Variants in PPFIA1 observed in about 807,000 individuals in gnomAD.
The protein encoded by PPFIA1 is PPFI scaffold protein A1.
Under a neutral mutation model 149.9 loss-of-function variants are expected in PPFIA1, and 25 were observed. The ratio of observed to expected loss-of-function variants is 0.17; its 90% CI spans 0.12 to 0.23. The LOEUF is 0.23. PPFIA1 is among the 10% of genes least tolerant of loss of function. PPFIA1 has a pLI of 1.00. For synonymous variants in PPFIA1, 549 were observed against 552.8 expected (o/e 0.99, Z 0.10); for missense variants, 1,362 against 1,506.5 (o/e 0.90, Z 1.59).
At position 70,292,685 on chromosome 11, in the gene PPFIA1, G is replaced by A. The variant is rs1409716073; in HGVS notation, c.264+20249G>A. Among the ~76,000 whole-genome samples, 3 of 152,140 alleles carry A rather than the reference G, an allele frequency of 2.0e-5. No homozygotes were observed. The East Asian group carries it at 5.8e-4, about 29-fold the overall frequency. On this transcript the variant is annotated intron_variant, in intron 2 of 27. Coordinates refer to ENST00000253925, the MANE Select transcript of PPFIA1 (RefSeq NM_003626.5). ...TTTATAGGAATGAGCCCCCACTGAA[G>A]CCTCGTGACAGTGCTATAAAGCAGG...
At chr11:70,379,774 G>A (rs567732468) in intron 26 of PPFIA1, among the ~76,000 whole-genome samples, 28 of 152,254 alleles carry the variant, frequency 1.8e-4, no homozygotes, top group African/African-American at 5.3e-4. Context: ...TAAGCTGGAC[G>A]CTTTGGGTGA....
intron 7 of PPFIA1, among the ~76,000 whole-genome samples, chr11:70,329,425 A>G (rs2054524486): frequency 6.6e-6 from 1 of 152,122 alleles, no homozygotes; most frequent in South Asian, 2.1e-4. Flanking sequence ...ATCTTCATCA[A>G]TTTAATTTTG....
rs534627441 is a variant in PPFIA1, at chr11:70,324,561, C to T, written c.366+58C>T. ...CTGGAGCCACTGTCAGGAGGAGGGGCGGTGTGTCAAAACGAAAGGACGACC... is the reference window on the plus strand; with the variant it reads ...CTGGAGCCACTGTCAGGAGGAGGGGTGGTGTGTCAAAACGAAAGGACGACC... On this transcript the variant is annotated intron_variant, in intron 3 of 27. Coordinates refer to ENST00000253925, the MANE Select transcript of PPFIA1 (RefSeq NM_003626.5). 19 of 1,410,326 alleles carry T rather than the reference C, an allele frequency of 1.3e-5. No homozygotes were observed. In the African/African-American group the frequency reaches 1.7e-4, roughly 13 times the overall value. The allele number at this position is 1,410,326 out of a possible 1,614,324, so 87.4% of individuals were successfully genotyped here.
chr11:70,368,110 C>T (rs2057046385), intron 21 of PPFIA1, among the ~76,000 whole-genome samples: 1 of 152,108 alleles, frequency 6.6e-6, no homozygotes, highest in African/African-American at 2.4e-5. Context: ...TACACTCCAG[C>T]CTGGGTGACA....
In PPFIA1 at chr11:70,365,426, G is replaced by A. The variant is rs914459120; in HGVS notation, c.2865+2938G>A. On this transcript the variant is annotated intron_variant, in intron 21 of 27. Coordinates refer to ENST00000253925, the MANE Select transcript of PPFIA1 (RefSeq NM_003626.5). ...AAGAGATGGAAACGCTCGCAGCCAC[G>A]CCGCAAACGGTTAGTCACGCCCCAC... 8 of 456,470 alleles carry A rather than the reference G, an allele frequency of 1.8e-5. No homozygotes were observed. The East Asian group carries it at 2.1e-4, about 12-fold the overall frequency. The allele number at this position is 456,470 out of a possible 1,614,324, so 28.3% of individuals were successfully genotyped here. A position where few individuals can be genotyped will look rare whatever the true frequency, so the allele number is the denominator to read the frequency against.
chr11:70,319,057 A>G (rs2053789637), intron 2 of PPFIA1, among the ~76,000 whole-genome samples: 2 of 152,214 alleles, frequency 1.3e-5, no homozygotes, highest in African/African-American at 4.8e-5. Flanking sequence ...AACCATTTCA[A>G]ATTTAGCACG....
chr11:70,353,717 A>G (rs953282684), intron 16 of PPFIA1, among the ~76,000 whole-genome samples: 1 of 152,210 alleles, frequency 6.6e-6, no homozygotes, highest in Non-Finnish European at 1.5e-5. Flanking sequence ...TTGAATTTAT[A>G]GTGTCCATCC....
At chr11:70,351,633 T>A (rs1420649270) in intron 16 of PPFIA1, among the ~76,000 whole-genome samples, 1 of 152,196 alleles carries the variant, frequency 6.6e-6, no homozygotes, top group Non-Finnish European at 1.5e-5. Context: ...TTTGGAGCAT[T>A]TTGAATATCA....
intron 2 of PPFIA1, among the ~76,000 whole-genome samples, chr11:70,289,041 C>T (rs1480545054): frequency 6.7e-6 from 1 of 150,356 alleles, no homozygotes; most frequent in Admixed American, 6.7e-5. Context: ...CATCTCAGCT[C>T]ACTGCAAGCT....
chr11:70,381,998 AAGATGTGT>A, intron 26 of PPFIA1, 82 bp from the exon 27 acceptor site: 1 of 1,129,384 alleles, frequency 8.9e-7, no homozygotes, highest in Non-Finnish European at 1.3e-6. Context: ...TGTAGGTGTG[AAGATGTGT>A]GTCTACTTGT....
intron 21 of PPFIA1, chr11:70,371,265 T>C (rs1298671041): frequency 1.1e-3 from 1 of 920 alleles, no homozygotes; most frequent in Non-Finnish European, 1.7e-3. Context: ...TTTCAGTCTC[T>C]TTAAGTATGT....
At chr11:70,308,665 C>G (rs545517194) in intron 2 of PPFIA1, among the ~76,000 whole-genome samples, 6 of 152,224 alleles carry the variant, frequency 3.9e-5, no homozygotes, top group Admixed American at 6.5e-5. Flanking sequence ...GGCGCAGTGG[C>G]TCATGCCTGT....
At chr11:70,324,123 C>T (rs2054125837) in intron 2 of PPFIA1, among the ~76,000 whole-genome samples, 1 of 152,236 alleles carries the variant, frequency 6.6e-6, no homozygotes, top group Non-Finnish European at 1.5e-5. Context: ...TTTTGGACTT[C>T]TCTGGCTGCT....
intron 2 of PPFIA1, chr11:70,284,179 C>G (rs557616403): frequency 2.4e-6 from 1 of 416,562 alleles, no homozygotes; most frequent in African/African-American, 2.1e-5. Context: ...TGACTCTTCC[C>G]TGAGAATAAA....
At chr11:70,361,360 A>G (rs1236817612) in intron 19 of PPFIA1, among the ~76,000 whole-genome samples, 1 of 152,170 alleles carries the variant, frequency 6.6e-6, no homozygotes, top group Non-Finnish European at 1.5e-5. Flanking sequence ...TAGACTTCAA[A>G]TCATCTCTAG....
Position 70,324,521 on chromosome 11 carries a change from GT to G in PPFIA1, c.366+20del. 3.8e-6 allele frequency: 6 copies of G among 1,574,662 alleles called. No homozygotes were observed. Among genetic ancestry groups the G allele is most frequent in the Non-Finnish European group, 5.2e-6 (6 of 1,146,340 alleles). On this transcript the variant is annotated intron_variant, in intron 3 of 27. Transcript: ENST00000253925. ...ACACCAGGGTGAGTGTGACCTTTCTGTTCACTGCCTGCCCCTGGAGCCACTG... is the reference window on the plus strand; with the variant it reads ...ACACCAGGGTGAGTGTGACCTTTCTGTCACTGCCTGCCCCTGGAGCCACTG...
At position 70,275,869 on chromosome 11, in the gene PPFIA1, C is replaced by G. The variant is rs532390721; in HGVS notation, c.264+3433C>G. Among the ~76,000 whole-genome samples, 4 of 152,292 alleles carry G rather than the reference C, an allele frequency of 2.6e-5. No homozygotes were observed. The East Asian group carries it at 5.8e-4, about 22-fold the overall frequency. ...CTCACTCGGTTGCCCAGACTAGTCT[C>G]CAACTCCTGGTGTCAAGCGATCCTC... On this transcript the variant is annotated intron_variant, in intron 2 of 27. Coordinates refer to ENST00000253925, the MANE Select transcript of PPFIA1 (RefSeq NM_003626.5).
intron 21 of PPFIA1, chr11:70,363,059 T>G (rs1486203329): frequency 3.3e-5 from 5 of 152,438 alleles, no homozygotes; most frequent in Non-Finnish European, 7.3e-5. Flanking sequence ...AATTAACATT[T>G]GTACTATATA....
intron 2 of PPFIA1, among the ~76,000 whole-genome samples, chr11:70,289,074 TCTC>T (rs1157580292): frequency 6.6e-5 from 10 of 150,738 alleles, no homozygotes; most frequent in African/African-American, 2.4e-4. Context: ...TTCAAGCAAT[TCTC>T]CTGCCTCACT....
Sources: allele counts gnomAD v4.1 joint callset (sites outside exome capture counted in the v4.1 genomes callset), GRCh38; gene constraint gnomAD v4.1.1; transcripts MANE v1.5; gene names NCBI Gene and HGNC (gene_info 2026-07-23, HGNC 2026-07-21).